Variants in BPTF observed in about 807,000 individuals in gnomAD.
The protein encoded by BPTF is bromodomain PHD finger transcription factor.
In BPTF, 18 loss-of-function variants were observed where a neutral mutation model predicts 292.5. The ratio of observed to expected loss-of-function variants is 0.06; its 90% CI spans 0.04 to 0.09. The LOEUF is 0.09. Ranked by LOEUF, BPTF falls within the 10% of genes least tolerant of loss-of-function variation. The probability of loss-of-function intolerance (pLI) is 1.00; values close to 1 mark genes in which losing one functional copy is unlikely to be tolerated. For synonymous variants in BPTF, 1,225 were observed against 1,251.9 expected, an observed-to-expected ratio of 0.98 and a Z score of 0.45; for missense variants, 2,726 against 3,498.7, an observed-to-expected ratio of 0.78 and a Z score of 5.57.
rs200471908 is a variant in BPTF at position 67,884,138 on chromosome 17, CTTTTTT to C, written c.1865-7692_1865-7687del. On this transcript the variant is annotated intron_variant, in intron 4 of 27. Coordinates refer to ENST00000306378, the MANE Select transcript of BPTF (RefSeq NM_182641.4). The stretch of plus-strand genomic sequence containing the variant: ...TGCCCTATTGATGGGCATTTTCTTT[CTTTTTT>C]TTTTTTTTTTTTTGAAACAATCTCG... 9.0e-3 allele frequency among the ~76,000 whole-genome samples: 1,210 copies of C among 134,470 alleles called. 22 individuals are homozygous for C. Among genetic ancestry groups the C allele is most frequent in the African/African-American group, 0.029 (1,104 of 38,112 alleles). 88.2% of individuals were successfully genotyped at this position (134,470 alleles called of 152,430 possible). A position where few individuals can be genotyped will look rare whatever the true frequency, so the allele number is the denominator to read the frequency against.
intron 1 of BPTF, among the ~76,000 whole-genome samples, chr17:67,849,637 G>T (rs1485248264): frequency 1.3e-5 from 2 of 151,910 alleles, no homozygotes; most frequent in Non-Finnish European, 2.9e-5. Context: ...CCTGGGAATT[G>T]TTAGAAATGC....
chr17:67,843,054 G>A (rs1374493231), intron 1 of BPTF, among the ~76,000 whole-genome samples: 1 of 150,552 alleles, frequency 6.6e-6, no homozygotes, highest in Non-Finnish European at 1.5e-5. Context: ...TATAACACTG[G>A]TGAGACTTTC....
rs886889170 is a variant in BPTF at position 67,883,001 on chromosome 17, TAA to T, written c.1864+7999_1864+8000del. 3.6e-3 allele frequency among the ~76,000 whole-genome samples: 341 copies of T among 94,646 alleles called. 3 individuals are homozygous for T. Among genetic ancestry groups the T allele is most frequent in the African/African-American group, 0.012 (306 of 26,506 alleles). 62.1% of individuals were successfully genotyped at this position (94,646 alleles called of 152,430 possible). ...CTGGGTGATAGAGCCAGACGTTGTC[TAA>T]AAAAAAAAAAAAAAAAAGAAAAGAA... On this transcript the variant is annotated intron_variant, in intron 4 of 27. Coordinates refer to ENST00000306378, the MANE Select transcript of BPTF (RefSeq NM_182641.4).
chr17:67,866,797 A>C, intron 3 of BPTF, 110 bp downstream of exon 3: 1 of 762,202 alleles, frequency 1.3e-6, no homozygotes, highest in Middle Eastern at 2.6e-4. Context: ...ACAGTCGTGC[A>C]TTGCTTAATG....
intron 3 of BPTF, among the ~76,000 whole-genome samples, chr17:67,868,813 T>C (rs1230557692): frequency 6.6e-6 from 1 of 152,206 alleles, no homozygotes; most frequent in Non-Finnish European, 1.5e-5. Context: ...TTCCTGTGAA[T>C]TCATGCGTAT....
At chr17:67,859,756 G>T (rs955587249) in intron 2 of BPTF, among the ~76,000 whole-genome samples, 9 of 152,150 alleles carry the variant, frequency 5.9e-5, no homozygotes, top group African/African-American at 2.2e-4. Flanking sequence ...AATCTTTAAA[G>T]ATTTGAAATA....
chr17:67,909,494 A>T, intron 9 of BPTF, 88 bp from the exon 10 acceptor site: 1 of 876,914 alleles, frequency 1.1e-6, no homozygotes, highest in Non-Finnish European at 1.6e-6. Flanking sequence ...CTTGCTGGAA[A>T]TTACTTGTTT....
chr17:67,919,995 AT>A lies in BPTF; in HGVS notation c.5429-18del, dbSNP rs2147169400. ...AGTATTTCAGTTGGTTATTAATACT[AT>A]TGAATTAAATCACCATAGAAACATC... On this transcript the variant is annotated intron_variant, in intron 12 of 27. Transcript: ENST00000306378. 1.3e-6 allele frequency: 2 copies of A among 1,597,644 alleles called. No homozygotes were observed. The highest frequency in any genetic ancestry group is 1.7e-6 in the Non-Finnish European group (2 of 1,171,052).
chr17:67,932,075 C>G (rs557231812), intron 18 of BPTF, 56 bp downstream of exon 18: 7 of 1,437,928 alleles, frequency 4.9e-6, no homozygotes, highest in Non-Finnish European at 6.8e-6. Context: ...CTAGGAAATA[C>G]GTAATTCTCT....
intron 25 of BPTF, chr17:67,965,203 TGCGGTGGG>T (rs1273106539): frequency 2.0e-5 from 3 of 150,418 alleles, no homozygotes; most frequent in Admixed American, 2.0e-4. Context: ...ATTAGCCAGG[TGCGGTGGG>T]GCGCACCAGT....
Position 67,909,731 on chromosome 17 carries a change from A to G in BPTF, c.2962A>G (p.Ile988Val), listed in dbSNP as rs1198366706. 9 of 1,579,612 alleles carry G rather than the reference A, an allele frequency of 5.7e-6. No homozygotes were observed. The highest frequency in any genetic ancestry group is 7.7e-6 in the Non-Finnish European group (9 of 1,167,846). ...AKGADQNEMD[I>V]SKITEKKDQD... ...AGGAGCAGACCAAAATGAAATGGATATCTCAAAGATTACTGAGAAGAAGGA... is the reference window on the plus strand; with the variant it reads ...AGGAGCAGACCAAAATGAAATGGATGTCTCAAAGATTACTGAGAAGAAGGA... The change falls in exon 10 of 28, where the codon ATC (isoleucine) becomes GTC (valine). Residue 988 changes from isoleucine to valine, a missense_variant. By Grantham distance (29) the Ile-to-Val change is conservative. Around this residue, in one of 22 missense-constraint regions of BPTF, gnomAD observed 713 missense variants for 714.9 expected, o/e 1.00. Coordinates refer to ENST00000306378, the MANE Select transcript of BPTF (RefSeq NM_182641.4).
At chr17:67,830,403 G>T (rs997579633) in intron 1 of BPTF, among the ~76,000 whole-genome samples, 1 of 152,194 alleles carries the variant, frequency 6.6e-6, no homozygotes, top group African/African-American at 2.4e-5. Flanking sequence ...TGCCATGAAT[G>T]AACCATAGAT....
At chr17:67,852,607 T>TAGATGCATCATA (rs1385463546) in intron 1 of BPTF, among the ~76,000 whole-genome samples, 2 of 152,252 alleles carry the variant, frequency 1.3e-5, no homozygotes, top group African/African-American at 4.8e-5. Context: ...TTCCATTCTG[T>TAGATGCATCATA]AGATGCATCA....
intron 1 of BPTF, among the ~76,000 whole-genome samples, chr17:67,845,569 TTCAAGACCAGCCTGGGCAA>T (rs2057969526): frequency 1.3e-5 from 2 of 151,120 alleles, no homozygotes; most frequent in African/African-American, 4.9e-5. Flanking sequence ...AGCCCAGGAG[TTCAAGACCAGCCTGGGCAA>T]TGTAGGGAGA....
At chr17:67,867,201 TTTC>T (rs1310243455) in intron 3 of BPTF, among the ~76,000 whole-genome samples, 1 of 152,228 alleles carries the variant, frequency 6.6e-6, no homozygotes, top group Non-Finnish European at 1.5e-5. Flanking sequence ...TAGTGTTTTA[TTTC>T]TGCCTTGGGT....
intron 23 of BPTF, among the ~76,000 whole-genome samples, chr17:67,948,563 A>G (rs1425754699): frequency 2.0e-5 from 3 of 151,920 alleles, no homozygotes; most frequent in Non-Finnish European, 4.4e-5. Flanking sequence ...TTGTTGAAAA[A>G]CTCTGAGAAG....
chr17:67,927,396 C>A (rs142541600), intron 15 of BPTF, among the ~76,000 whole-genome samples: 1 of 152,022 alleles, frequency 6.6e-6, no homozygotes, highest in South Asian at 2.1e-4. Context: ...ATCTTTAATA[C>A]CTGTAGTTTT....
At chr17:67,913,998 C>T (rs1355706431) in intron 11 of BPTF, among the ~76,000 whole-genome samples, 2 of 152,126 alleles carry the variant, frequency 1.3e-5, no homozygotes, top group African/African-American at 4.8e-5. Context: ...TTTTCATGTC[C>T]TTGTCTTTAT....
Position 67,944,256 on chromosome 17 carries a change from A to G in BPTF, c.6584A>G (p.Gln2195Arg). Reference sequence around the variant, plus strand: ...ACTGTACTCCCAGGCCCAGGCCAGCAGCTAATGCAAGCTGCAATGCCAAAT... The same window carrying G: ...ACTGTACTCCCAGGCCCAGGCCAGCGGCTAATGCAAGCTGCAATGCCAAAT... ...GVTVLPGPGQ[Q>R]LMQAAMPNGT... The change falls in exon 20 of 28, where the codon CAG (glutamine) becomes CGG (arginine). Residue 2195 changes from glutamine to arginine, a missense_variant. Transcript: ENST00000306378. 1 of 1,614,184 alleles carries G rather than the reference A, an allele frequency of 6.2e-7. No individual in the cohort carries two copies. The highest frequency in any genetic ancestry group is 8.5e-7 in the Non-Finnish European group (1 of 1,180,030).
Sources: allele counts gnomAD v4.1 joint callset (sites outside exome capture counted in the v4.1 genomes callset), GRCh38; gene constraint gnomAD v4.1.1; regional missense constraint gnomAD v4.1.1; transcripts MANE v1.5; gene names NCBI Gene and HGNC (gene_info 2026-07-23, HGNC 2026-07-21).